C19orf25: variants seen among roughly 807,000 people sequenced by gnomAD.
C19orf25 encodes chromosome 19 open reading frame 25.
A neutral mutation model predicts 3.1 loss-of-function variants in C19orf25; 1 was observed. That is an observed-to-expected ratio of 0.32 (90% confidence interval 0.12 to 1.54). The LOEUF (loss-of-function observed/expected upper bound fraction) is 1.54, where lower values mean the gene tolerates loss of function less well. Ranked by LOEUF, C19orf25 falls within the 40% of genes most tolerant of loss-of-function variation. The pLI is 0.38. For missense variants in C19orf25, 196 were observed against 160.4 expected (o/e 1.22, Z -1.20); for synonymous variants, 91 against 74.3 (o/e 1.23, Z -1.16).
intron 2 of C19orf25, chr19:1,476,224 T>C (rs1182365312): frequency 2.5e-6 from 1 of 398,684 alleles, no homozygotes; most frequent in African/African-American, 2.1e-5. Flanking sequence ...CCCTCGGCAG[T>C]GTGGTCTCCC....
chr19:1,478,245 A>ATTTTTTTT (rs543535192), intron 2 of C19orf25, among the ~76,000 whole-genome samples: 2 of 140,448 alleles, frequency 1.4e-5, no homozygotes, highest in South Asian at 4.5e-4. Flanking sequence ...ACACCCAGTA[A>ATTTTTTTT]TTTTTTTTTT....
rs1317449844 is a variant in C19orf25 at position 1,474,239 on chromosome 19, T to C, written c.*793A>G. The C allele has an allele frequency of 2.0e-5, 3 of 152,196 alleles. No individual in the cohort carries two copies. Among genetic ancestry groups the C allele is most frequent in the Admixed American group, 6.5e-5 (1 of 15,292 alleles). The allele number at this position is 152,196 out of a possible 1,614,324, so 9.4% of individuals were successfully genotyped here. On this transcript the variant is annotated 3_prime_UTR_variant, in exon 3 of 3. Coordinates refer to ENST00000585675, the MANE Select transcript of C19orf25 (RefSeq NM_152482.3). ...CGCCTTGCCCAGGTTTCCACTCAAG[T>C]TGCTATTTAGGATGAAAAGCCTTTG...
intron 1 of C19orf25, 85 bp from the exon 2 acceptor site, chr19:1,478,990 C>T: frequency 1.4e-6 from 2 of 1,434,672 alleles, no homozygotes; most frequent in African/African-American, 1.5e-5. Context: ...CGAACTCGTA[C>T]GCACCCGTCG....
At position 1,479,187 on chromosome 19, in the gene C19orf25, G is replaced by C. The variant is rs974879860; in HGVS notation, c.-27C>G. 7.1e-6 allele frequency: 9 copies of C among 1,273,098 alleles called. No homozygotes were observed. The African/African-American group carries it at 1.1e-4, about 15-fold the overall frequency. 78.9% of individuals were successfully genotyped at this position (1,273,098 alleles called of 1,614,324 possible). On this transcript the variant is annotated 5_prime_UTR_variant, in exon 1 of 3. Coordinates refer to ENST00000585675, the MANE Select transcript of C19orf25 (RefSeq NM_152482.3). ...CCTGGGCGCGGGACCCGAAAGCCCA[G>C]CGTCGACGACGCAGCCACTTCCGAT...
At chr19:1,477,900 C>G (rs969179982) in intron 2 of C19orf25, among the ~76,000 whole-genome samples, 1 of 151,676 alleles carries the variant, frequency 6.6e-6, no homozygotes, top group Admixed American at 6.6e-5. Context: ...AGTGCAGTTG[C>G]GTGATCTCAG....
chr19:1,476,560 C>G (rs1232192711), intron 2 of C19orf25: 5 of 352,688 alleles, frequency 1.4e-5, no homozygotes, highest in Non-Finnish European at 2.0e-5. Flanking sequence ...ACACCTCCCA[C>G]CGATGCTGGT....
Position 1,474,703 on chromosome 19 carries a change from G to A in C19orf25, c.*329C>T. ...GTGCCTGCCCCGGGAGAGGAAGGAG[G>A]TGGCACCTGCTCCCAGGGGCCCCAC... On this transcript the variant is annotated 3_prime_UTR_variant, in exon 3 of 3. Transcript: ENST00000585675. 9.2e-7 allele frequency: 1 copy of A among 1,092,662 alleles called. No homozygotes were observed. Among genetic ancestry groups the A allele is most frequent in the Non-Finnish European group, 1.3e-6 (1 of 796,434 alleles). 67.7% of individuals were successfully genotyped at this position (1,092,662 alleles called of 1,614,324 possible).
rs1019540411 is a variant in C19orf25, at chr19:1,479,171, G to A, written c.-11C>T. 49 of 1,278,766 alleles carry A rather than the reference G, an allele frequency of 3.8e-5. No individual in the cohort carries two copies. The East Asian group carries it at 1.6e-3, about 42-fold the overall frequency. 79.2% of individuals were successfully genotyped at this position (1,278,766 alleles called of 1,614,324 possible). The stretch of plus-strand genomic sequence containing the variant: ...CGCCGGCCTCTTCCCACCTGGGCGC[G>A]GGACCCGAAAGCCCAGCGTCGACGA... On this transcript the variant is annotated 5_prime_UTR_variant, in exon 1 of 3. Coordinates refer to ENST00000585675, the MANE Select transcript of C19orf25 (RefSeq NM_152482.3).
chr19:1,474,709 C>G lies in C19orf25; in HGVS notation c.*323G>C, dbSNP rs1452098896. The stretch of plus-strand genomic sequence containing the variant: ...GCCCCGGGAGAGGAAGGAGGTGGCA[C>G]CTGCTCCCAGGGGCCCCACTGCAGA... On this transcript the variant is annotated 3_prime_UTR_variant, in exon 3 of 3. Coordinates refer to ENST00000585675, the MANE Select transcript of C19orf25 (RefSeq NM_152482.3). 8.4e-6 allele frequency: 10 copies of G among 1,187,284 alleles called. No individual in the cohort carries two copies. The highest frequency in any genetic ancestry group is 2.8e-4 in the Middle Eastern group (1 of 3,554). The allele number at this position is 1,187,284 out of a possible 1,614,324, so 73.5% of individuals were successfully genotyped here. A position where few individuals can be genotyped will look rare whatever the true frequency, so the allele number is the denominator to read the frequency against.
Position 1,474,712 on chromosome 19 carries a change from GCTCC to G in C19orf25, c.*316_*319del. ...CCGGGAGAGGAAGGAGGTGGCACCTGCTCCCAGGGGCCCCACTGCAGAGCACGGC... is the reference window on the plus strand; with the variant it reads ...CCGGGAGAGGAAGGAGGTGGCACCTGCAGGGGCCCCACTGCAGAGCACGGC... On this transcript the variant is annotated 3_prime_UTR_variant, in exon 3 of 3. Transcript: ENST00000585675. 8.3e-7 allele frequency: 1 copy of G among 1,211,806 alleles called. No individual in the cohort carries two copies. The highest frequency in any genetic ancestry group is 2.8e-4 in the Middle Eastern group (1 of 3,622). 75.1% of individuals were successfully genotyped at this position (1,211,806 alleles called of 1,614,324 possible). A position where few individuals can be genotyped will look rare whatever the true frequency, so the allele number is the denominator to read the frequency against.
In C19orf25 at chr19:1,478,719, C is replaced by T. The variant is rs1599180237; in HGVS notation, c.130+55G>A. ...AGTTAGGGGTGTGCTTCTCTCCCGT[C>T]CCCTTGCTGCCGGGGTCTCAGGTCC... On this transcript the variant is annotated intron_variant, in intron 2 of 2. Coordinates refer to ENST00000585675, the MANE Select transcript of C19orf25 (RefSeq NM_152482.3). 2.6e-6 allele frequency: 4 copies of T among 1,534,422 alleles called. No homozygotes were observed. In the East Asian group the frequency reaches 9.9e-5, roughly 38 times the overall value.
chr19:1,476,187 G>C (rs1349646244), intron 2 of C19orf25: 1 of 398,786 alleles, frequency 2.5e-6, no homozygotes, highest in African/African-American at 2.1e-5. Context: ...TCAGAGAAGC[G>C]TCAGGGGCCC....
At chr19:1,475,288 T>G in intron 2 of C19orf25, 30 bp from the exon 3 acceptor site, 2 of 1,518,874 alleles carry the variant, frequency 1.3e-6, no homozygotes, top group Non-Finnish European at 8.9e-7. Context: ...CATCACTGCC[T>G]GCTGACCACC....
intron 2 of C19orf25, chr19:1,478,517 T>G: frequency 8.6e-7 from 1 of 1,165,532 alleles, no homozygotes; most frequent in Non-Finnish European, 1.1e-6. Flanking sequence ...CAAGCGATCC[T>G]CCCGCCTCAT....
rs918073903 is a variant in C19orf25 at position 1,473,256 on chromosome 19, C to A, written c.*1776G>T. The A allele has an allele frequency of 1.3e-5, 2 of 152,310 alleles. No homozygotes were observed. The highest frequency in any genetic ancestry group is 4.1e-4 in the South Asian group (2 of 4,832). 9.4% of individuals were successfully genotyped at this position (152,310 alleles called of 1,614,324 possible). Reference sequence around the variant, plus strand: ...GCTCTTGCATTGCCTGCCGCCATCACCTCTTCCTCAAAATGGGCTGTGGGC... The same window carrying A: ...GCTCTTGCATTGCCTGCCGCCATCAACTCTTCCTCAAAATGGGCTGTGGGC... On this transcript the variant is annotated 3_prime_UTR_variant, in exon 3 of 3. Transcript: ENST00000585675.
intron 2 of C19orf25, chr19:1,476,148 G>A (rs889408532): frequency 2.3e-5 from 9 of 398,596 alleles, no homozygotes; most frequent in East Asian, 1.1e-4. Context: ...AGTGCAGCAG[G>A]GCTGAAGCAG....
Position 1,475,126 on chromosome 19 carries a change from T to A in C19orf25, c.263A>T (p.Glu88Val). Residue 88 changes from glutamate to valine, a missense_variant, in exon 3 of 3, where the codon GAG (glutamate) becomes GTG (valine). Transcript: ENST00000585675. Reference sequence around the variant, plus strand: ...GTCCTCGCCGGCTCGCTGCAGGAGCTCACACCTCTGCCTCAGCACGTTGCC... The same window carrying A: ...GTCCTCGCCGGCTCGCTGCAGGAGCACACACCTCTGCCTCAGCACGTTGCC... ...QAGNVLRQRC[E>V]LLQRAGEDLE... 1 of 1,601,978 alleles carries A rather than the reference T, an allele frequency of 6.2e-7. No homozygotes were observed. Among genetic ancestry groups the A allele is most frequent in the East Asian group, 2.3e-5 (1 of 44,270 alleles).
chr19:1,476,765 T>C (rs1454060886), intron 2 of C19orf25, among the ~76,000 whole-genome samples: 2 of 151,630 alleles, frequency 1.3e-5, no homozygotes, highest in African/African-American at 4.9e-5. Flanking sequence ...CACAGGTGCA[T>C]GCCACCACAC....
intron 2 of C19orf25, chr19:1,475,987 G>A (rs976205230): frequency 2.6e-5 from 10 of 388,778 alleles, no homozygotes; most frequent in African/African-American, 1.9e-4. Context: ...GCCCGCCACC[G>A]AAAACCTCTC....
Sources: allele counts gnomAD v4.1 joint callset (sites outside exome capture counted in the v4.1 genomes callset), GRCh38; gene constraint gnomAD v4.1.1; transcripts MANE v1.5; gene names NCBI Gene and HGNC (gene_info 2026-07-23, HGNC 2026-07-21).